The following ITPRID2 variants were observed in gnomAD, a reference collection of about 807,000 sequenced individuals.
The protein encoded by ITPRID2 is protein ITPRID2.
ITPRID2 carries 60 observed loss-of-function variants against 124.3 expected under a neutral mutation model. That is an observed-to-expected ratio of 0.48 (90% CI 0.39 to 0.60). The LOEUF is 0.60. ITPRID2 is among the 20% of genes least tolerant of loss of function. ITPRID2 has a pLI of 0.00. For synonymous variants in ITPRID2, 521 were observed against 542.9 expected, an observed-to-expected ratio of 0.96 and a Z score of 0.56; for missense variants, 1,553 against 1,512.2, an observed-to-expected ratio of 1.03 and a Z score of -0.45.
intron 6 of ITPRID2, among the ~76,000 whole-genome samples, chr2:181,900,271 G>A (rs72891061): frequency 0.13 from 20,099 of 152,140 alleles, 1,923 homozygotes; most frequent in Non-Finnish European, 0.2. Context: ...CCTAGGACAA[G>A]GATAACAGAA....
At chr2:181,900,999 A>G in intron 7 of ITPRID2, 95 bp downstream of exon 7, 1 of 970,586 alleles carries the variant, frequency 1.0e-6, no homozygotes. Flanking sequence ...CAGGAATAGC[A>G]CTGGAAAGTA....
At position 181,930,275 on chromosome 2, in the gene ITPRID2, A is replaced by T. The variant is rs1429040088; in HGVS notation, c.*728A>T. 2 of 152,500 alleles carry T rather than the reference A, an allele frequency of 1.3e-5. No homozygotes were observed. The highest frequency in any genetic ancestry group is 2.9e-5 in the Non-Finnish European group (2 of 67,980). The allele number at this position is 152,500 out of a possible 1,614,324, so 9.4% of individuals were successfully genotyped here. On this transcript the variant is annotated 3_prime_UTR_variant, in exon 18 of 18. Coordinates refer to ENST00000431877, the MANE Select transcript of ITPRID2 (RefSeq NM_001130445.3). ...GTCCAGACTTCTTTATTAGATGGAGATGTTTCTTTTTCTGTCTTCTAGACT... is the reference window on the plus strand; with the variant it reads ...GTCCAGACTTCTTTATTAGATGGAGTTGTTTCTTTTTCTGTCTTCTAGACT...
chr2:181,916,799 T>A, intron 11 of ITPRID2: 1 of 1,004,232 alleles, frequency 1.0e-6, no homozygotes, highest in Non-Finnish European at 1.2e-6. Flanking sequence ...TCTTTCTCTC[T>A]GCTATTTGAA....
At position 181,918,528 on chromosome 2, in the gene ITPRID2, T is replaced by G. The variant is rs1694247257; in HGVS notation, c.2788-70T>G. The G allele has an allele frequency of 6.9e-6, 11 of 1,589,342 alleles. No individual in the cohort carries two copies. The South Asian group carries it at 1.0e-4, about 15-fold the overall frequency. On this transcript the variant is annotated intron_variant, in intron 11 of 17. Coordinates refer to ENST00000431877, the MANE Select transcript of ITPRID2 (RefSeq NM_001130445.3). The stretch of plus-strand genomic sequence containing the variant: ...ATATATAGGCCCCAAATTCTGCCTT[T>G]TAACCCCTTAAGTGATTTGGAAGTA...
rs1399434926 is a variant in ITPRID2, at chr2:181,915,443, C to T, written c.1803C>T (p.Thr601=). 5 of 1,614,102 alleles carry T rather than the reference C, an allele frequency of 3.1e-6. No homozygotes were observed. In the Admixed American group the frequency reaches 8.3e-5, roughly 27 times the overall value. ...SGSQDFPQCN[T]IENTGTKQST... ...GCCAGGATTTCCCTCAGTGCAACAC[C>T]ATTGAGAATACAGGAACTAAACAGT... Residue 601 remains threonine (T), a synonymous_variant, in exon 11 of 18, where the codon ACC becomes ACT. Transcript: ENST00000431877.
chr2:181,900,974 T>A, intron 7 of ITPRID2, 70 bp downstream of exon 7: 1 of 1,238,204 alleles, frequency 8.1e-7, no homozygotes, highest in Non-Finnish European at 1.1e-6. Context: ...GGTCTTATTT[T>A]AAAGCCTTAA....
At chr2:181,927,770 A>G (rs1694966793) in intron 16 of ITPRID2, among the ~76,000 whole-genome samples, 2 of 152,256 alleles carry the variant, frequency 1.3e-5, no homozygotes. Flanking sequence ...TTTCTCAGCA[A>G]TGAGAGCACT....
At position 181,919,376 on chromosome 2, in the gene ITPRID2, G is replaced by T. The variant is rs756172200; in HGVS notation, c.3074G>T (p.Arg1025Leu). The T allele has an allele frequency of 9.0e-5, 146 of 1,613,822 alleles. No homozygotes were observed. Among genetic ancestry groups the T allele is most frequent in the Non-Finnish European group, 1.2e-4 (145 of 1,179,958 alleles). Residue 1025 changes from arginine to leucine, a missense_variant, in exon 14 of 18, where the codon CGC becomes CTC. Coordinates refer to ENST00000431877, the MANE Select transcript of ITPRID2 (RefSeq NM_001130445.3). The surrounding 1 kb of genome is among the most constrained non-coding windows in gnomAD (Gnocchi z 4.2). ...GACCTGGAACTGCAGCTGGAGGAGC[G>T]CCTGCTGGGCCTGGAGGAGCAGCTT... ...LQDLELQLEERLLGLEEQLRA... is the reference protein window; with the variant it reads ...LQDLELQLEELLLGLEEQLRA...
At chr2:181,899,668 A>T (rs145097250) in intron 6 of ITPRID2, among the ~76,000 whole-genome samples, 2 of 152,250 alleles carry the variant, frequency 1.3e-5, no homozygotes, top group Non-Finnish European at 2.9e-5. Flanking sequence ...AAACGGCGAA[A>T]CCCTGTCTTT....
In ITPRID2 at chr2:181,892,548, T is replaced by G; in HGVS notation, c.212-67T>G. 6.3e-7 allele frequency: 1 copy of G among 1,593,444 alleles called. No individual in the cohort carries two copies. The highest frequency in any genetic ancestry group is 8.6e-7 in the Non-Finnish European group (1 of 1,161,480). Reference sequence around the variant, plus strand: ...TGGTAGATTTTCCTACTTGGGAGGGTCCAGGGTGACTCCGCCGTCGTAGTG... The same window carrying G: ...TGGTAGATTTTCCTACTTGGGAGGGGCCAGGGTGACTCCGCCGTCGTAGTG... On this transcript the variant is annotated intron_variant, in intron 1 of 17. Transcript: ENST00000431877. The surrounding 1 kb of genome is among the most constrained non-coding windows in gnomAD (Gnocchi z 5.2).
In ITPRID2 at chr2:181,918,636, A is replaced by G. The variant is rs1253740442; in HGVS notation, c.2826A>G (p.Pro942=). The G allele has an allele frequency of 6.2e-7, 1 of 1,614,110 alleles. No homozygotes were observed. Among genetic ancestry groups the G allele is most frequent in the Non-Finnish European group, 8.5e-7 (1 of 1,179,972 alleles). The change falls in exon 12 of 18, where the codon CCA becomes CCG. Residue 942 remains proline, a synonymous_variant. Transcript: ENST00000431877. ...GAGGACCTGATCCTGCTGCTGCTCCATATAGTACTCAGAAATCATCTGTTC... is the reference window on the plus strand; with the variant it reads ...GAGGACCTGATCCTGCTGCTGCTCCGTATAGTACTCAGAAATCATCTGTTC... ...MMRGPDPAAA[P]YSTQKSSVLP... is the part of the protein sequence containing the mutation.
rs553149185 is a variant in ITPRID2, at chr2:181,897,038, C to T, written c.364+74C>T. ...AAAAAATGAGAAAGCTGAATGGTTT[C>T]AGGTTTATGATCCTCAAGCTAAATT... On this transcript the variant is annotated intron_variant, in intron 4 of 17. Coordinates refer to ENST00000431877, the MANE Select transcript of ITPRID2 (RefSeq NM_001130445.3). 99 of 1,287,014 alleles carry T rather than the reference C, an allele frequency of 7.7e-5. 1 individual carries two copies. The highest frequency in any genetic ancestry group is 6.7e-4 in the Admixed American group (38 of 57,108). The allele number at this position is 1,287,014 out of a possible 1,614,324, so 79.7% of individuals were successfully genotyped here.
intron 16 of ITPRID2, among the ~76,000 whole-genome samples, chr2:181,922,619 G>A (rs2125110550): frequency 6.6e-6 from 1 of 152,258 alleles, no homozygotes; most frequent in South Asian, 2.1e-4. Flanking sequence ...ATACTCTAAT[G>A]TGAAATAATT....
rs1036284954 is a variant in ITPRID2, at chr2:181,898,910, T to C, written c.395T>C (p.Ile132Thr). 2 of 1,611,866 alleles carry C rather than the reference T, an allele frequency of 1.2e-6. No individual in the cohort carries two copies. The highest frequency in any genetic ancestry group is 1.7e-5 in the Admixed American group (1 of 59,976). The change falls in exon 5 of 18, where the codon ATT becomes ACT. Residue 132 changes from isoleucine (I) to threonine (T), a missense_variant. By Grantham distance (89) the Ile-to-Thr change is moderately conservative. Coordinates refer to ENST00000431877, the MANE Select transcript of ITPRID2 (RefSeq NM_001130445.3). ...ANHLHESDAQ[I>T]ENCNNILAKE... ...CACCTCCATGAAAGTGATGCTCAAA[T>C]TGAAAACTGGTATGTAGCTGTTTTG...
intron 13 of ITPRID2, 26 bp downstream of exon 13, chr2:181,918,908 A>C (rs369073789): frequency 2.4e-5 from 38 of 1,602,800 alleles, no homozygotes; most frequent in Admixed American, 3.5e-5. Flanking sequence ...GTCTTAGCAC[A>C]CCTCAAAAAG....
At chr2:181,908,418 C>T (rs957504844) in intron 8 of ITPRID2, among the ~76,000 whole-genome samples, 12 of 152,034 alleles carry the variant, frequency 7.9e-5, no homozygotes, top group African/African-American at 2.2e-4. Context: ...TGAAGTAGAC[C>T]GAGCCTGAAT....
rs981177879 is a variant in ITPRID2, at chr2:181,913,713, G to A, written c.1487-132G>A. 2.1e-5 allele frequency: 12 copies of A among 580,870 alleles called. No homozygotes were observed. In the African/African-American group the frequency reaches 2.1e-4, roughly 10 times the overall value. 36.0% of individuals were successfully genotyped at this position (580,870 alleles called of 1,614,324 possible). ...GTAATGCATATTTTTCTAAGAAGCA[G>A]TCAAATATTGTGTATCTTATATCTG... On this transcript the variant is annotated intron_variant, in intron 9 of 17. Transcript: ENST00000431877.
rs1420578175 is a variant in ITPRID2 at position 181,907,349 on chromosome 2, A to G, written c.1414-2550A>G. ...CATTGTTTCATGAAAACTTTTTTAA[A>G]TGAAGTAACCCAAATGTGTGGGTTA... On this transcript the variant is annotated intron_variant, in intron 8 of 17. Transcript: ENST00000431877. This position sits in a 1 kb window ranked among gnomAD's most constrained non-coding sequence, Gnocchi z 5.1. Among the ~76,000 whole-genome samples, 1 of 152,208 alleles carries G rather than the reference A, an allele frequency of 6.6e-6. No individual in the cohort carries two copies. Among genetic ancestry groups the G allele is most frequent in the Non-Finnish European group, 1.5e-5 (1 of 68,032 alleles).
At chr2:181,916,544 A>G in intron 11 of ITPRID2, 117 bp downstream of exon 11, 1 of 1,290,366 alleles carries the variant, frequency 7.7e-7, no homozygotes, top group South Asian at 1.5e-5. Flanking sequence ...ATTTTCTGAC[A>G]TGTCTAAACT....
Sources: allele counts gnomAD v4.1 joint callset (sites outside exome capture counted in the v4.1 genomes callset), GRCh38; gene constraint gnomAD v4.1.1; non-coding constraint Gnocchi (gnomAD v3.1); transcripts MANE v1.5; gene names NCBI Gene and HGNC (gene_info 2026-07-23, HGNC 2026-07-21).